Variants in MYO16 observed in about 807,000 individuals in gnomAD.
MYO16 encodes the protein myosin XVI.
In MYO16, 94 loss-of-function variants were observed where a neutral mutation model predicts 205.3. That is an observed-to-expected ratio of 0.46 (90% CI 0.39 to 0.54). MYO16 has a LOEUF of 0.54. Ranked by LOEUF, MYO16 falls within the 20% of genes least tolerant of loss-of-function variation. The pLI, the probability that MYO16 is intolerant of heterozygous loss-of-function variation, is 0.00. For missense variants in MYO16, 2,315 were observed against 2,387.5 expected, an observed-to-expected ratio of 0.97 and a Z score of 0.63; for synonymous variants, 988 against 954.0, an observed-to-expected ratio of 1.04 and a Z score of -0.66.
At chr13:108,743,641 T>C (rs1180456981) in intron 4 of MYO16, among the ~76,000 whole-genome samples, 1 of 152,224 alleles carries the variant, frequency 6.6e-6, no homozygotes, top group Non-Finnish European at 1.5e-5. Flanking sequence ...TGGCCTTTTG[T>C]GTTTGAACAT....
At chr13:108,506,192 C>T in the MYO16 span, among the ~76,000 whole-genome samples, 1 of 151,828 alleles carries the variant, frequency 6.6e-6, no homozygotes, top group African/African-American at 2.4e-5. Context: ...TCAATTTTTG[C>T]CAAAAAATGC....
chr13:108,846,882 T>C (rs1411760525), intron 10 of MYO16, among the ~76,000 whole-genome samples: 1 of 152,306 alleles, frequency 6.6e-6, no homozygotes, highest in East Asian at 1.9e-4. Context: ...TTGAATGCAA[T>C]TATTGATATG....
intron 16 of MYO16, among the ~76,000 whole-genome samples, chr13:108,911,591 A>G (rs2139237903): frequency 6.6e-6 from 1 of 152,240 alleles, no homozygotes; most frequent in Non-Finnish European, 1.5e-5. Context: ...ACAACATGAA[A>G]AGAACAGCCA....
At chr13:108,816,502 A>G (rs926172356) in intron 7 of MYO16, among the ~76,000 whole-genome samples, 1 of 151,640 alleles carries the variant, frequency 6.6e-6, no homozygotes, top group Non-Finnish European at 1.5e-5. Flanking sequence ...TCTCCCCCAC[A>G]TATTTTGTAA....
At position 109,046,601 on chromosome 13, in the gene MYO16, G is replaced by A. The variant is rs564185159; in HGVS notation, c.2797-315G>A. 1.2e-4 allele frequency among the ~76,000 whole-genome samples: 18 copies of A among 152,298 alleles called. No homozygotes were observed. In the Middle Eastern group the frequency reaches 0.01, roughly 86 times the overall value. On this transcript the variant is annotated intron_variant, in intron 23 of 34. Transcript: ENST00000457511. Reference sequence around the variant, plus strand: ...CAAGTGTGTTTACTTGGTTTAGTGAGTTTTCTGAGCAAGTTAGAGTCCTTA... The same window carrying A: ...CAAGTGTGTTTACTTGGTTTAGTGAATTTTCTGAGCAAGTTAGAGTCCTTA...
intron 22 of MYO16, among the ~76,000 whole-genome samples, chr13:109,017,141 C>T (rs1885855493): frequency 6.6e-6 from 1 of 152,150 alleles, no homozygotes; most frequent in Middle Eastern, 3.2e-3. Flanking sequence ...CCTTCATCAG[C>T]TCTTGTAAGG....
At chr13:108,658,731 T>A (rs1470152958) in intron 1 of MYO16, among the ~76,000 whole-genome samples, 1 of 152,168 alleles carries the variant, frequency 6.6e-6, no homozygotes, top group Non-Finnish European at 1.5e-5. Flanking sequence ...ATATTCCATT[T>A]TCAATTATGT....
intron 33 of MYO16, among the ~76,000 whole-genome samples, chr13:109,175,991 A>C (rs1831785654): frequency 6.6e-6 from 1 of 152,190 alleles, no homozygotes; most frequent in African/African-American, 2.4e-5. Flanking sequence ...GGACACATGT[A>C]CAAACATTTA....
At chr13:108,830,975 T>C (rs1039339551) in intron 9 of MYO16, among the ~76,000 whole-genome samples, 1 of 152,158 alleles carries the variant, frequency 6.6e-6, no homozygotes, top group Admixed American at 6.5e-5. Context: ...TTAGTAATAA[T>C]ATTTTTATTA....
chr13:108,623,375 T>A (rs1594151392), intron 1 of MYO16, among the ~76,000 whole-genome samples: 1 of 152,318 alleles, frequency 6.6e-6, no homozygotes, highest in East Asian at 1.9e-4. Context: ...TGGGAACCTC[T>A]CTAGTGACTA....
Position 109,023,308 on chromosome 13 carries a change from A to G in MYO16, c.2796+3397A>G, listed in dbSNP as rs1421304516. On this transcript the variant is annotated intron_variant, in intron 23 of 34. Transcript: ENST00000457511. ...TTATATATTATACAGATATAAATAT[A>G]TATATTTATATATTATACAGATATA... Among the ~76,000 whole-genome samples, 185 of 85,334 alleles carry G rather than the reference A, an allele frequency of 2.2e-3. 6 individuals carry two copies. Among genetic ancestry groups the G allele is most frequent in the Non-Finnish European group, 3.3e-3 (161 of 48,974 alleles). The allele number at this position is 85,334 out of a possible 152,430, so 56.0% of individuals were successfully genotyped here.
At chr13:108,698,745 T>C (rs1476435664) in intron 2 of MYO16, among the ~76,000 whole-genome samples, 2 of 152,364 alleles carry the variant, frequency 1.3e-5, no homozygotes, top group East Asian at 3.9e-4. Flanking sequence ...TAAAGCCACA[T>C]GCTCAATAAT....
At chr13:109,026,025 AT>A (rs1886350203) in intron 23 of MYO16, among the ~76,000 whole-genome samples, 1 of 152,196 alleles carries the variant, frequency 6.6e-6, no homozygotes, top group Non-Finnish European at 1.5e-5. Context: ...TGGATCTCAG[AT>A]AAGCATCCCA....
At chr13:109,180,910 A>G (rs898681328) in intron 34 of MYO16, among the ~76,000 whole-genome samples, 2 of 152,162 alleles carry the variant, frequency 1.3e-5, no homozygotes, top group African/African-American at 2.4e-5. Context: ...TGATTTTTGT[A>G]TTGGAGGCCT....
Position 109,162,298 on chromosome 13 carries a change from C to T in MYO16, c.5165-2603C>T, listed in dbSNP as rs763498594. Reference sequence around the variant, plus strand: ...AGTGCCTTAGAGGATTCGTTTATTGCCACCAGGTGTAAGAGGACTGTGCTC... The same window carrying T: ...AGTGCCTTAGAGGATTCGTTTATTGTCACCAGGTGTAAGAGGACTGTGCTC... On this transcript the variant is annotated intron_variant, in intron 32 of 34. Coordinates refer to ENST00000457511, the MANE Select transcript of MYO16 (RefSeq NM_001198950.3). The surrounding 1 kb of genome is among the most constrained non-coding windows in gnomAD (Gnocchi z 4.6). Among the ~76,000 whole-genome samples the T allele has an allele frequency of 3.3e-5, 5 of 152,184 alleles. No homozygotes were observed. The highest frequency in any genetic ancestry group is 7.3e-5 in the Non-Finnish European group (5 of 68,030).
intron 23 of MYO16, among the ~76,000 whole-genome samples, chr13:109,040,385 C>CACACAGAGAGAGAGAG (rs1394314811): frequency 2.1e-4 from 24 of 113,284 alleles, no homozygotes; most frequent in East Asian, 1.7e-3. Context: ...CACACACACA[C>CACACAGAGAGAGAGAG]AGAGAGAGAG....
chr13:109,004,545 G>A (rs1403379834), intron 21 of MYO16, among the ~76,000 whole-genome samples: 7 of 152,142 alleles, frequency 4.6e-5, no homozygotes, highest in Non-Finnish European at 8.8e-5. Flanking sequence ...AAAGTGACAA[G>A]TAGATGTACT....
the MYO16 span, among the ~76,000 whole-genome samples, chr13:108,573,137 C>T: frequency 6.6e-6 from 1 of 152,136 alleles, no homozygotes; most frequent in Non-Finnish European, 1.5e-5. Context: ...GCAAATGACA[C>T]GGCCAAGTGT....
intron 4 of MYO16, among the ~76,000 whole-genome samples, chr13:108,775,248 G>GT (rs1274711195): frequency 6.6e-6 from 1 of 152,014 alleles, no homozygotes; most frequent in African/African-American, 2.4e-5. Flanking sequence ...TTTTCTCTCA[G>GT]TTTTTTTATT....
Sources: allele counts gnomAD v4.1 joint callset (sites outside exome capture counted in the v4.1 genomes callset), GRCh38; gene constraint gnomAD v4.1.1; non-coding constraint Gnocchi (gnomAD v3.1); transcripts MANE v1.5; gene names NCBI Gene and HGNC (gene_info 2026-07-23, HGNC 2026-07-21).